The following TMEM74 variants were observed in gnomAD, a reference collection of about 807,000 sequenced individuals.
The protein encoded by TMEM74 is transmembrane protein 74.
A neutral mutation model predicts 18.1 loss-of-function variants in TMEM74; 13 were observed. The observed-to-expected ratio is 0.72, with a 90% CI of 0.47 to 1.14. TMEM74 has a LOEUF of 1.14. TMEM74 is among the 50% of genes most tolerant of loss of function. The probability of loss-of-function intolerance (pLI) is 0.00; values close to 1 mark genes in which losing one functional copy is unlikely to be tolerated. For synonymous variants in TMEM74, 159 were observed against 146.6 expected, an observed-to-expected ratio of 1.08 and a Z score of -0.61; for missense variants, 372 against 375.9, an observed-to-expected ratio of 0.99 and a Z score of 0.09.
intron 2 of TMEM74, among the ~76,000 whole-genome samples, chr8:108,614,363 G>A (rs1211558698): frequency 1.3e-5 from 2 of 152,092 alleles, no homozygotes; most frequent in East Asian, 3.9e-4. Context: ...ATATCAAGGG[G>A]ATTTGATATT....
chr8:108,670,891 C>G (rs1812999176), intron 1 of TMEM74, among the ~76,000 whole-genome samples: 1 of 151,980 alleles, frequency 6.6e-6, no homozygotes, highest in South Asian at 2.1e-4. Flanking sequence ...CTCCAAAATC[C>G]CCATAAGAGC....
rs1249004821 is a variant in TMEM74, at chr8:108,710,623, GTTC to G, written n.120-55189_120-55187del. On this transcript the variant is annotated intron_variant and non_coding_transcript_variant, in intron 1 of 3. Coordinates refer to the TMEM74 transcript ENST00000518838. Reference sequence around the variant, plus strand: ...TCTCATCAGCAGCTTACTCACACTAGTTCTTCTACACTGTTCGCCTTGTCTCAG... The same window carrying G: ...TCTCATCAGCAGCTTACTCACACTAGTTCTACACTGTTCGCCTTGTCTCAG... Among the ~76,000 whole-genome samples the G allele has an allele frequency of 2.0e-5, 3 of 152,318 alleles. 1 individual carries two copies. The highest frequency in any genetic ancestry group is 2.0e-4 in the Admixed American group (3 of 15,296).
At chr8:108,761,414 A>G (rs1400372272) in intron 1 of TMEM74, among the ~76,000 whole-genome samples, 3 of 152,140 alleles carry the variant, frequency 2.0e-5, no homozygotes, top group Non-Finnish European at 4.4e-5. Context: ...ACTTTTATTA[A>G]TAATGATCTA....
chr8:108,721,538 T>C (rs1813587285), intron 1 of TMEM74, among the ~76,000 whole-genome samples: 1 of 152,256 alleles, frequency 6.6e-6, no homozygotes, highest in Non-Finnish European at 1.5e-5. Context: ...GAAAGCCATC[T>C]CCTTAGAGAG....
intron 2 of TMEM74, among the ~76,000 whole-genome samples, chr8:108,631,551 C>T (rs532530921): frequency 3.9e-5 from 6 of 152,038 alleles, no homozygotes; most frequent in Non-Finnish European, 8.8e-5. Flanking sequence ...AGCTATGAAA[C>T]TTACTTCTAA....
chr8:108,753,170 A>C lies in TMEM74; in HGVS notation n.119+34306T>G, dbSNP rs1024644022. Among the ~76,000 whole-genome samples, 220 of 152,200 alleles carry C rather than the reference A, an allele frequency of 1.4e-3. 1 individual carries two copies. Among genetic ancestry groups the C allele is most frequent in the African/African-American group, 4.9e-3 (204 of 41,562 alleles). On this transcript the variant is annotated intron_variant and non_coding_transcript_variant, in intron 1 of 3. Coordinates refer to the TMEM74 transcript ENST00000518838. Reference sequence around the variant, plus strand: ...TCGAGAATGAATTAACAGGCATTTTATTTCTTTAATCCTTTCATGTTTAAG... The same window carrying C: ...TCGAGAATGAATTAACAGGCATTTTCTTTCTTTAATCCTTTCATGTTTAAG...
In TMEM74 at chr8:108,694,089, C is replaced by T. The variant is rs527561835; in HGVS notation, n.120-38652G>A. On this transcript the variant is annotated intron_variant and non_coding_transcript_variant, in intron 1 of 3. Coordinates refer to the TMEM74 transcript ENST00000518838. ...AGAATGTATAGTGGTGAAGTCAGGG[C>T]TTTTAGCTTATCCATCACCTGAACA... Among the ~76,000 whole-genome samples, 89 of 152,318 alleles carry T rather than the reference C, an allele frequency of 5.8e-4. 1 individual carries two copies. Among genetic ancestry groups the T allele is most frequent in the African/African-American group, 2.1e-3 (88 of 41,578 alleles).
At chr8:108,713,342 A>C (rs777461042) in intron 1 of TMEM74, among the ~76,000 whole-genome samples, 12 of 150,972 alleles carry the variant, frequency 7.9e-5, no homozygotes, top group African/African-American at 1.5e-4. Flanking sequence ...GGTTAAGAAA[A>C]AATTCTAATG....
At position 108,779,140 on chromosome 8, in the gene TMEM74, A is replaced by G. The variant is rs1245339430; in HGVS notation, c.*5041T>C. On this transcript the variant is annotated 3_prime_UTR_variant, in exon 2 of 2. Coordinates refer to ENST00000297459, the MANE Select transcript of TMEM74 (RefSeq NM_153015.3). ...GATATGACACACTTGCTATTAACAT[A>G]TAAGGCATCAAGTGCCCTAAGAAAG... Among the ~76,000 whole-genome samples, 1 of 152,236 alleles carries G rather than the reference A, an allele frequency of 6.6e-6. No homozygotes were observed. The highest frequency in any genetic ancestry group is 1.5e-5 in the Non-Finnish European group (1 of 68,034).
chr8:108,646,081 GT>G (rs765519153), intron 2 of TMEM74, among the ~76,000 whole-genome samples: 1,940 of 138,792 alleles, frequency 0.014, 18 homozygotes, highest in Middle Eastern at 0.063. Flanking sequence ...TGTTCACGAA[GT>G]TTTTTTTTTT....
At chr8:108,618,454 T>C (rs914923785) in intron 2 of TMEM74, among the ~76,000 whole-genome samples, 1 of 152,178 alleles carries the variant, frequency 6.6e-6, no homozygotes, top group Admixed American at 6.5e-5. Flanking sequence ...TTATCATCTG[T>C]GACCTAAGGA....
intron 1 of TMEM74, among the ~76,000 whole-genome samples, chr8:108,690,727 C>G (rs942389375): frequency 6.6e-6 from 1 of 152,036 alleles, no homozygotes; most frequent in African/African-American, 2.4e-5. Flanking sequence ...GAGGCTGAGG[C>G]AGGAGAATGG....
intron 1 of TMEM74, among the ~76,000 whole-genome samples, chr8:108,696,712 G>T (rs1467575653): frequency 6.6e-6 from 1 of 152,310 alleles, no homozygotes; most frequent in Non-Finnish European, 1.5e-5. Context: ...GCTCTCCAAA[G>T]ATGTTAAAAT....
chr8:108,733,313 C>T (rs923512095), intron 1 of TMEM74, among the ~76,000 whole-genome samples: 3 of 151,882 alleles, frequency 2.0e-5, no homozygotes, highest in Non-Finnish European at 4.4e-5. Context: ...GTGGAAAAGC[C>T]ATTAAAATAA....
Position 108,756,650 on chromosome 8 carries a change from G to GAAAGAAAGAA in TMEM74, n.119+30825_119+30826insTTCTTTCTTT, listed in dbSNP as rs1283223577. 3.7e-4 allele frequency among the ~76,000 whole-genome samples: 10 copies of GAAAGAAAGAA among 27,112 alleles called. 1 individual carries two copies. The highest frequency in any genetic ancestry group is 1.5e-4 in the African/African-American group (1 of 6,612). 17.8% of individuals were successfully genotyped at this position (27,112 alleles called of 152,430 possible). On this transcript the variant is annotated intron_variant and non_coding_transcript_variant, in intron 1 of 3. Transcript: ENST00000518838. ...AGGAAGGAAGGAAGGAAGAAAGAAA[G>GAAAGAAAGAA]AGAAAGAAAGAAAGAAAGAAAGAAA...
At chr8:108,757,446 A>G (rs566833297) in intron 1 of TMEM74, among the ~76,000 whole-genome samples, 22 of 152,186 alleles carry the variant, frequency 1.4e-4, no homozygotes, top group African/African-American at 3.6e-4. Flanking sequence ...AAAATAAATG[A>G]TGCTTGATTT....
At chr8:108,702,849 T>C (rs1239399055) in intron 1 of TMEM74, among the ~76,000 whole-genome samples, 1 of 150,262 alleles carries the variant, frequency 6.7e-6, no homozygotes, top group Non-Finnish European at 1.5e-5. Flanking sequence ...ACGTTTTTTC[T>C]GTGAATCTAA....
chr8:108,725,217 A>C (rs1319389432), intron 1 of TMEM74, among the ~76,000 whole-genome samples: 2 of 152,140 alleles, frequency 1.3e-5, no homozygotes, highest in Non-Finnish European at 2.9e-5. Flanking sequence ...ATAGTTCCTC[A>C]AATCTTTCAA....
chr8:108,649,662 G>C (rs142226054), intron 2 of TMEM74, among the ~76,000 whole-genome samples: 32 of 152,264 alleles, frequency 2.1e-4, no homozygotes, highest in Non-Finnish European at 4.3e-4. Flanking sequence ...CAGACAAGCA[G>C]CCAGTAGCAC....
Sources: allele counts gnomAD v4.1 joint callset (sites outside exome capture counted in the v4.1 genomes callset), GRCh38; gene constraint gnomAD v4.1.1; transcripts MANE v1.5; gene names NCBI Gene and HGNC (gene_info 2026-07-23, HGNC 2026-07-21).